The following XRN1 variants were observed in gnomAD, a reference collection of about 807,000 sequenced individuals.
The protein encoded by XRN1 is 5'-3' exoribonuclease 1.
In XRN1, 67 loss-of-function variants were observed where a neutral mutation model predicts 222.3. The ratio of observed to expected loss-of-function variants is 0.30; its 90% CI spans 0.25 to 0.37. The LOEUF is 0.37. Among genes scored for constraint, XRN1 ranks in the 10% least tolerant of loss-of-function variants. The pLI is 1.00. For missense variants in XRN1, 1,707 were observed against 2,000.2 expected, an observed-to-expected ratio of 0.85 and a Z score of 2.80; for synonymous variants, 643 against 652.4, an observed-to-expected ratio of 0.99 and a Z score of 0.22.
intron 22 of XRN1, among the ~76,000 whole-genome samples, chr3:142,381,684 A>G (rs1388590547): frequency 2.0e-5 from 3 of 149,298 alleles, no homozygotes; most frequent in African/African-American, 7.4e-5. Context: ...TCTTATTCTC[A>G]GCCTCCCAAG....
chr3:142,442,766 C>A lies in XRN1; in HGVS notation c.75+5104G>T, dbSNP rs113183485. Among the ~76,000 whole-genome samples the A allele has an allele frequency of 6.8e-3, 1,030 of 152,268 alleles. 16 individuals are homozygous for A. Among genetic ancestry groups the A allele is most frequent in the African/African-American group, 0.023 (975 of 41,546 alleles). ...ATTTTTATTTTGAGATGGAATCTCG[C>A]TCTGTTGCCCAGGCTGGAGTGCAGT... On this transcript the variant is annotated intron_variant, in intron 1 of 40. Coordinates refer to ENST00000392981, the MANE Select transcript of XRN1 (RefSeq NM_001282857.2).
rs767097491 is a variant in XRN1, at chr3:142,432,879, G to T, written c.90C>A (p.Asp30Glu). Residue 30 changes from aspartate to glutamate, a missense_variant, in exon 2 of 41, where the codon GAC (aspartate) becomes GAA (glutamate). Physicochemically the swap from Asp to Glu is conservative, Grantham distance 45. This residue lies in a region of XRN1 where 1,234 missense variants were observed against 1,518.2 expected (regional missense o/e 0.81). Coordinates refer to ENST00000392981, the MANE Select transcript of XRN1 (RefSeq NM_001282857.2). Reference protein sequence around the residue: ...VVKEHQIPEFDNLYLDMNGII... With the variant: ...VVKEHQIPEFENLYLDMNGII... ...TTCCATTCATATCCAGGTACAAGTT[G>T]TCAAATTCAGGAATCTGAAAAACAA... 6.2e-7 allele frequency: 1 copy of T among 1,604,530 alleles called. No homozygotes were observed. The highest frequency in any genetic ancestry group is 8.5e-7 in the Non-Finnish European group (1 of 1,174,146).
intron 5 of XRN1, among the ~76,000 whole-genome samples, chr3:142,423,890 C>T (rs1320801719): frequency 2.6e-5 from 4 of 152,178 alleles, no homozygotes; most frequent in Non-Finnish European, 5.9e-5. Flanking sequence ...GTCCCCTCTC[C>T]TCTTCCTATC....
intron 37 of XRN1, among the ~76,000 whole-genome samples, chr3:142,324,326 A>G (rs2065454287): frequency 7.4e-6 from 1 of 135,844 alleles, no homozygotes; most frequent in South Asian, 2.3e-4. Context: ...ATTCCCACCT[A>G]TGAGTGAGAA....
intron 20 of XRN1, among the ~76,000 whole-genome samples, chr3:142,389,136 A>G (rs1341111738): frequency 1.3e-5 from 2 of 152,170 alleles, no homozygotes; most frequent in Admixed American, 6.5e-5. Flanking sequence ...TAGCTTGAAC[A>G]CAAGAGGTGG....
At chr3:142,343,252 G>A (rs529220264) in intron 33 of XRN1, among the ~76,000 whole-genome samples, 37 of 152,116 alleles carry the variant, frequency 2.4e-4, no homozygotes, top group African/African-American at 8.4e-4. Context: ...TCAGGAGTTT[G>A]AGACCAGCCT....
chr3:142,380,538 G>C (rs2067273129), intron 22 of XRN1, among the ~76,000 whole-genome samples: 1 of 152,082 alleles, frequency 6.6e-6, no homozygotes, highest in African/African-American at 2.4e-5. Context: ...CTGTCATTCA[G>C]GCTAAAGTGG....
At chr3:142,318,478 T>C in intron 39 of XRN1, 114 bp downstream of exon 39, 1 of 982,308 alleles carries the variant, frequency 1.0e-6, no homozygotes, top group East Asian at 2.6e-5. Flanking sequence ...CTTTAGGCTT[T>C]CTCACAATTT....
At chr3:142,385,487 A>G (rs2067463492) in intron 20 of XRN1, among the ~76,000 whole-genome samples, 1 of 152,160 alleles carries the variant, frequency 6.6e-6, no homozygotes, top group Non-Finnish European at 1.5e-5. Context: ...ATCTAAAGTA[A>G]TTCAGACAGC....
intron 32 of XRN1, among the ~76,000 whole-genome samples, chr3:142,351,114 T>C (rs61620169): frequency 7.2e-4 from 109 of 152,308 alleles, no homozygotes; most frequent in African/African-American, 2.6e-3. Context: ...TATCTATCTG[T>C]CTATAATTAT....
chr3:142,409,367 C>G (rs1312997373), intron 15 of XRN1, among the ~76,000 whole-genome samples: 1 of 152,156 alleles, frequency 6.6e-6, no homozygotes, highest in Non-Finnish European at 1.5e-5. Flanking sequence ...AGGTATGGGT[C>G]AAGATTCACT....
intron 26 of XRN1, 57 bp downstream of exon 26, chr3:142,371,182 G>T (rs1254006074): frequency 6.4e-6 from 8 of 1,247,946 alleles, no homozygotes; most frequent in East Asian, 2.4e-5. Context: ...AGCTGCAGTT[G>T]TCATTGAAAA....
chr3:142,377,220 TAA>T (rs1362209086), intron 23 of XRN1, among the ~76,000 whole-genome samples: 10 of 139,520 alleles, frequency 7.2e-5, no homozygotes, highest in Non-Finnish European at 9.4e-5. Flanking sequence ...ATTGTCACAT[TAA>T]AAAAAAAAAA....
At chr3:142,320,105 T>G (rs2065313046) in intron 37 of XRN1, among the ~76,000 whole-genome samples, 1 of 152,248 alleles carries the variant, frequency 6.6e-6, no homozygotes, top group South Asian at 2.1e-4. Context: ...GTGAGATTGC[T>G]GGATTAAATC....
In XRN1 at chr3:142,311,324, A is replaced by G. The variant is rs539223788; in HGVS notation, c.*187T>C. 4.1e-6 allele frequency: 2 copies of G among 483,660 alleles called. No homozygotes were observed. Among genetic ancestry groups the G allele is most frequent in the South Asian group, 4.4e-5 (1 of 22,738 alleles). The allele number at this position is 483,660 out of a possible 1,614,324, so 30.0% of individuals were successfully genotyped here. A position where few individuals can be genotyped will look rare whatever the true frequency, so the allele number is the denominator to read the frequency against. On this transcript the variant is annotated 3_prime_UTR_variant, in exon 41 of 41. Coordinates refer to ENST00000392981, the MANE Select transcript of XRN1 (RefSeq NM_001282857.2). ...CATACAACAAACTGCACATACTTAA[A>G]GTGCACAATTTGATACACAGTCTTT...
At chr3:142,331,597 T>C (rs1325260417) in intron 36 of XRN1, among the ~76,000 whole-genome samples, 1 of 152,180 alleles carries the variant, frequency 6.6e-6, no homozygotes, top group Non-Finnish European at 1.5e-5. Flanking sequence ...TTCAGAAAAG[T>C]TAAATAATGT....
At chr3:142,338,390 C>T (rs1253727673) in intron 33 of XRN1, among the ~76,000 whole-genome samples, 1 of 152,146 alleles carries the variant, frequency 6.6e-6, no homozygotes, top group Admixed American at 6.6e-5. Context: ...AGGGAAGAAC[C>T]CAGTCCTGGC....
chr3:142,434,385 G>A (rs1162261044), intron 1 of XRN1, among the ~76,000 whole-genome samples: 1 of 151,982 alleles, frequency 6.6e-6, no homozygotes, highest in Non-Finnish European at 1.5e-5. Flanking sequence ...GCCCAGGTTG[G>A]TCTTGAATTC....
intron 15 of XRN1, among the ~76,000 whole-genome samples, chr3:142,410,805 C>T (rs76070454): frequency 0.079 from 12,055 of 151,926 alleles, 1,605 homozygotes; most frequent in African/African-American, 0.27. Flanking sequence ...CATGTTATTT[C>T]CTTAGGAGTT....
Sources: allele counts gnomAD v4.1 joint callset (sites outside exome capture counted in the v4.1 genomes callset), GRCh38; gene constraint gnomAD v4.1.1; regional missense constraint gnomAD v4.1.1; transcripts MANE v1.5; gene names NCBI Gene and HGNC (gene_info 2026-07-23, HGNC 2026-07-21).